The following STPG2 variants were observed in gnomAD, a reference collection of about 807,000 sequenced individuals.
STPG2 encodes the protein sperm-tail PG-rich repeat-containing protein 2.
Under a neutral mutation model 54.2 loss-of-function variants are expected in STPG2, and 56 were observed. The ratio of observed to expected loss-of-function variants is 1.03; its 90% confidence interval spans 0.83 to 1.29. The LOEUF is 1.29. Among genes scored for constraint, STPG2 ranks in the 50% most tolerant of loss-of-function variants. The pLI is 0.00. For synonymous variants in STPG2, 200 were observed against 181.8 expected (o/e 1.10, Z -0.81); for missense variants, 596 against 544.9 (o/e 1.09, Z -0.93).
intron 5 of STPG2, among the ~76,000 whole-genome samples, chr4:98,097,091 A>G (rs904600163): frequency 6.6e-6 from 1 of 152,202 alleles, no homozygotes; most frequent in Non-Finnish European, 1.5e-5. Flanking sequence ...CAAAAAATAG[A>G]AAAGAAGAGA....
At chr4:97,531,095 T>C (rs1475781210) in intron 4 of STPG2, among the ~76,000 whole-genome samples, 1 of 152,092 alleles carries the variant, frequency 6.6e-6, no homozygotes, top group Non-Finnish European at 1.5e-5. Flanking sequence ...AGCAGGTATA[T>C]GAAAAGATGT....
chr4:98,096,711 A>G (rs1020349135), intron 5 of STPG2, among the ~76,000 whole-genome samples: 6 of 152,158 alleles, frequency 3.9e-5, no homozygotes, highest in African/African-American at 1.4e-4. Context: ...AAACAAATTG[A>G]CAAACCTTTA....
At chr4:97,695,222 A>G (rs1373436631) in intron 10 of STPG2, among the ~76,000 whole-genome samples, 1 of 152,206 alleles carries the variant, frequency 6.6e-6, no homozygotes, top group Non-Finnish European at 1.5e-5. Flanking sequence ...TATACCACAT[A>G]AACAGAATTA....
intron 4 of STPG2, among the ~76,000 whole-genome samples, chr4:97,527,349 C>A (rs192064579): frequency 1.5e-3 from 222 of 152,278 alleles, no homozygotes; most frequent in Middle Eastern, 6.8e-3. Context: ...CTTATACCTG[C>A]ATAGTATTCC....
At chr4:98,058,088 T>C (rs1248975688) in intron 5 of STPG2, among the ~76,000 whole-genome samples, 1 of 152,130 alleles carries the variant, frequency 6.6e-6, no homozygotes, top group Non-Finnish European at 1.5e-5. Flanking sequence ...GGAAAGACCA[T>C]TACCAGCCAC....
At chr4:97,543,262 G>T (rs761633383) in intron 4 of STPG2, among the ~76,000 whole-genome samples, 102 of 151,520 alleles carry the variant, frequency 6.7e-4, no homozygotes, top group Non-Finnish European at 1.2e-3. Context: ...GCTCCCTATG[G>T]CAGAAACATG....
At chr4:98,106,996 T>A (rs1462589762) in intron 4 of STPG2, among the ~76,000 whole-genome samples, 1 of 152,178 alleles carries the variant, frequency 6.6e-6, no homozygotes, top group Non-Finnish European at 1.5e-5. Context: ...ATTACTTTCT[T>A]TGTTCAGCAG....
chr4:97,503,701 C>T (rs928773200), intron 4 of STPG2, among the ~76,000 whole-genome samples: 1 of 150,332 alleles, frequency 6.7e-6, no homozygotes, highest in Non-Finnish European at 1.5e-5. Context: ...TTTTAATAAG[C>T]TAATCCACTA....
intron 8 of STPG2, among the ~76,000 whole-genome samples, chr4:97,924,205 G>A (rs749300535): frequency 4.6e-5 from 7 of 152,070 alleles, no homozygotes; most frequent in African/African-American, 1.4e-4. Context: ...AACAAACTCC[G>A]GACACACCAC....
chr4:98,010,677 G>A (rs1369845090), intron 5 of STPG2, among the ~76,000 whole-genome samples: 2 of 152,056 alleles, frequency 1.3e-5, no homozygotes, highest in Non-Finnish European at 2.9e-5. Context: ...CTATTTTGCT[G>A]ATTTTTTTCT....
intron 5 of STPG2, among the ~76,000 whole-genome samples, chr4:97,998,144 C>A (rs1735301963): frequency 6.6e-6 from 1 of 152,086 alleles, no homozygotes; most frequent in Non-Finnish European, 1.5e-5. Context: ...ACCAAAAATG[C>A]CTCTTATCCC....
chr4:98,118,794 T>C (rs1003895074), intron 3 of STPG2, among the ~76,000 whole-genome samples: 3 of 152,140 alleles, frequency 2.0e-5, no homozygotes, highest in Non-Finnish European at 2.9e-5. Context: ...AAGAATGATA[T>C]GAACATGTCA....
At chr4:97,569,733 G>A (rs1732551360) in intron 10 of STPG2, among the ~76,000 whole-genome samples, 2 of 152,074 alleles carry the variant, frequency 1.3e-5, no homozygotes, top group Non-Finnish European at 2.9e-5. Flanking sequence ...AAGGATTGGA[G>A]TGGATAAAAA....
At chr4:98,017,008 T>C (rs933772423) in intron 5 of STPG2, among the ~76,000 whole-genome samples, 1 of 152,126 alleles carries the variant, frequency 6.6e-6, no homozygotes, top group Non-Finnish European at 1.5e-5. Context: ...CTTGGTCAGG[T>C]TGGCCAGGTT....
At chr4:97,959,930 T>C (rs1026676169) in intron 7 of STPG2, among the ~76,000 whole-genome samples, 5 of 152,108 alleles carry the variant, frequency 3.3e-5, no homozygotes, top group African/African-American at 4.8e-5. Context: ...CTGATGAACA[T>C]AGATGTAAAA....
At chr4:97,450,557 C>T (rs999131719) in intron 4 of STPG2, among the ~76,000 whole-genome samples, 1 of 152,154 alleles carries the variant, frequency 6.6e-6, no homozygotes, top group Non-Finnish European at 1.5e-5. Flanking sequence ...AAAGATAGGA[C>T]TTAATCAGGC....
Position 97,530,676 on chromosome 4 carries a change from G to A in STPG2, c.462+182023C>T, listed in dbSNP as rs72887288. 2.7e-3 allele frequency among the ~76,000 whole-genome samples: 417 copies of A among 152,308 alleles called. 2 individuals carry two copies. Among genetic ancestry groups the A allele is most frequent in the African/African-American group, 9.7e-3 (402 of 41,576 alleles). The stretch of plus-strand genomic sequence containing the variant: ...ACTGAAAAGAAAAGCACTGTTACAA[G>A]AACCAAAATCAGGTGAGCAATCACA... On this transcript the variant is annotated intron_variant, in intron 4 of 4. Transcript: ENST00000522676.
intron 7 of STPG2, among the ~76,000 whole-genome samples, chr4:97,951,985 C>T (rs146573769): frequency 2.0e-3 from 312 of 152,198 alleles, no homozygotes; most frequent in African/African-American, 7.0e-3. Flanking sequence ...GAGCTACCTC[C>T]GCCCCTGTGT....
intron 5 of STPG2, among the ~76,000 whole-genome samples, chr4:98,087,678 T>A (rs1302892565): frequency 6.6e-6 from 1 of 151,430 alleles, no homozygotes; most frequent in East Asian, 2.0e-4. Context: ...CTCCCGCCTC[T>A]GCCTCCCGAG....
Sources: allele counts gnomAD v4.1 joint callset (sites outside exome capture counted in the v4.1 genomes callset), GRCh38; gene constraint gnomAD v4.1.1; transcripts MANE v1.5; gene names NCBI Gene and HGNC (gene_info 2026-07-23, HGNC 2026-07-21).